Variants in CDH20 observed in about 807,000 individuals in gnomAD.
CDH20 encodes the protein cadherin-20.
Under a neutral mutation model 74.2 loss-of-function variants are expected in CDH20, and 29 were observed. The ratio of observed to expected loss-of-function variants is 0.39; its 90% confidence interval spans 0.29 to 0.53. CDH20 has a LOEUF of 0.53. Among genes scored for constraint, CDH20 ranks in the 20% least tolerant of loss-of-function variants. The probability of loss-of-function intolerance (pLI) is 0.69; values close to 1 mark genes in which losing one functional copy is unlikely to be tolerated. For missense variants in CDH20, 988 were observed against 1,048.3 expected (o/e 0.94, Z 0.79); for synonymous variants, 469 against 405.4 (o/e 1.16, Z -1.88).
intron 6 of CDH20, among the ~76,000 whole-genome samples, chr18:61,521,477 C>T (rs942464518): frequency 2.6e-5 from 4 of 151,206 alleles, no homozygotes; most frequent in African/African-American, 9.8e-5. Flanking sequence ...GATTCACAGC[C>T]GAATTCTACC....
chr18:61,430,540 G>A (rs1913220316), intron 1 of CDH20, among the ~76,000 whole-genome samples: 1 of 152,064 alleles, frequency 6.6e-6, no homozygotes, highest in Non-Finnish European at 1.5e-5. Flanking sequence ...TTAAGGACTT[G>A]GAAGCTATGC....
intron 2 of CDH20, among the ~76,000 whole-genome samples, chr18:61,492,504 A>T (rs867590780): frequency 5.3e-5 from 8 of 152,018 alleles, no homozygotes; most frequent in Non-Finnish European, 1.0e-4. Flanking sequence ...TCCTCCAGAC[A>T]CCTCCCCACA....
intron 1 of CDH20, among the ~76,000 whole-genome samples, chr18:61,395,113 T>G (rs7242062): frequency 0.92 from 139,093 of 151,872 alleles, 63,773 homozygotes; most frequent in South Asian, 0.93. Context: ...CTTCTTTAAG[T>G]TTCACACTGT....
chr18:61,534,364 C>T (rs1055546159), intron 7 of CDH20, among the ~76,000 whole-genome samples: 4 of 152,226 alleles, frequency 2.6e-5, no homozygotes, highest in African/African-American at 7.2e-5. Context: ...TATGATCCAA[C>T]AATCCCATTT....
At chr18:61,447,664 G>A (rs571178236) in intron 1 of CDH20, among the ~76,000 whole-genome samples, 3 of 152,292 alleles carry the variant, frequency 2.0e-5, no homozygotes, top group South Asian at 2.1e-4. Context: ...TGATTTATGC[G>A]GTAAGCAGAC....
intron 1 of CDH20, among the ~76,000 whole-genome samples, chr18:61,342,560 T>C (rs1015965012): frequency 6.6e-6 from 1 of 152,200 alleles, no homozygotes; most frequent in Non-Finnish European, 1.5e-5. Context: ...AAGTCCCCTA[T>C]GCATTGTAGG....
chr18:61,528,999 G>A (rs963934265), intron 7 of CDH20, among the ~76,000 whole-genome samples: 27 of 152,216 alleles, frequency 1.8e-4, no homozygotes, highest in Non-Finnish European at 3.7e-4. Context: ...GCATGTTTTG[G>A]AATTAAAGAT....
chr18:61,347,696 T>C (rs774240405), intron 1 of CDH20, among the ~76,000 whole-genome samples: 13 of 152,184 alleles, frequency 8.5e-5, no homozygotes, highest in Non-Finnish European at 1.6e-4. Context: ...ATTAAGGATG[T>C]GTTGTCAATA....
At chr18:61,382,278 T>C (rs1299251052) in intron 1 of CDH20, among the ~76,000 whole-genome samples, 1 of 152,186 alleles carries the variant, frequency 6.6e-6, no homozygotes, top group African/African-American at 2.4e-5. Flanking sequence ...AAATGCATCA[T>C]AGTGATTAGG....
At position 61,502,781 on chromosome 18, in the gene CDH20, A is replaced by G. The variant is rs144555601; in HGVS notation, c.662-172A>G. On this transcript the variant is annotated intron_variant, in intron 4 of 11. Coordinates refer to ENST00000262717, the MANE Select transcript of CDH20 (RefSeq NM_031891.4). ...AAAGTTTTCATTCACCACTGGTTTC[A>G]GTACAGCCCATTTTTGAAGCTGAGA... Among the ~76,000 whole-genome samples, 1,299 of 152,348 alleles carry G rather than the reference A, an allele frequency of 8.5e-3. 20 individuals carry two copies. Among genetic ancestry groups the G allele is most frequent in the South Asian group, 0.055 (266 of 4,826 alleles).
intron 6 of CDH20, among the ~76,000 whole-genome samples, chr18:61,510,580 G>A (rs1200068166): frequency 6.6e-6 from 1 of 152,198 alleles, no homozygotes; most frequent in Non-Finnish European, 1.5e-5. Flanking sequence ...CAGTTCATAT[G>A]TTTGTTCTGT....
chr18:61,543,545 T>C (rs1913116391), intron 9 of CDH20, among the ~76,000 whole-genome samples: 1 of 152,130 alleles, frequency 6.6e-6, no homozygotes, highest in South Asian at 2.1e-4. Context: ...TCATGCAACT[T>C]ACTCCTTTGA....
intron 6 of CDH20, 140 bp downstream of exon 6, chr18:61,507,700 ACACAC>A: frequency 7.3e-6 from 4 of 546,112 alleles, no homozygotes; most frequent in Non-Finnish European, 1.2e-5. Context: ...AAAAAAAAAA[ACACAC>A]AGAAAACCTC....
intron 1 of CDH20, among the ~76,000 whole-genome samples, chr18:61,442,939 T>C (rs1909080138): frequency 6.6e-6 from 1 of 152,000 alleles, no homozygotes; most frequent in African/African-American, 2.4e-5. Flanking sequence ...GCTTCCCAGA[T>C]TGGAACTACT....
At chr18:61,363,432 A>T (rs900438267) in intron 1 of CDH20, among the ~76,000 whole-genome samples, 1 of 152,222 alleles carries the variant, frequency 6.6e-6, no homozygotes, top group African/African-American at 2.4e-5. Context: ...GCTAACTTAT[A>T]GTGGGGGAAA....
rs35516738 is a variant in CDH20 at position 61,469,364 on chromosome 18, TACACACACAC to T, written c.-152-21007_-152-20998del. Among the ~76,000 whole-genome samples, 895 of 142,452 alleles carry T rather than the reference TACACACACAC, an allele frequency of 6.3e-3. 7 individuals carry two copies. The highest frequency in any genetic ancestry group is 0.02 in the African/African-American group (755 of 38,326). 93.5% of individuals were successfully genotyped at this position (142,452 alleles called of 152,430 possible). ...TTAACCCCAGTTGGATGAGAATGAA[TACACACACAC>T]ACACACACACACACACACACACACA... On this transcript the variant is annotated intron_variant, in intron 1 of 11. Coordinates refer to ENST00000262717, the MANE Select transcript of CDH20 (RefSeq NM_031891.4).
intron 1 of CDH20, among the ~76,000 whole-genome samples, chr18:61,397,895 C>T (rs903948892): frequency 6.6e-6 from 1 of 152,154 alleles, no homozygotes; most frequent in Admixed American, 6.6e-5. Context: ...GTATTTAGCA[C>T]TTAGTATGAT....
rs147324812 is a variant in CDH20 at position 61,473,169 on chromosome 18, A to G, written c.-152-17233A>G. Among the ~76,000 whole-genome samples the G allele has an allele frequency of 9.7e-4, 148 of 152,366 alleles. 1 individual carries two copies. Among genetic ancestry groups the G allele is most frequent in the East Asian group, 1.7e-3 (9 of 5,196 alleles). On this transcript the variant is annotated intron_variant, in intron 1 of 11. Transcript: ENST00000262717. ...TCAGCCAGTGAATGTCTTGTTTTGA[A>G]ACAACTTGGGGAAATAGATTTTTAT...
At chr18:61,528,446 GACACACACACACAC>G (rs1555683467) in intron 7 of CDH20, among the ~76,000 whole-genome samples, 10 of 97,712 alleles carry the variant, frequency 1.0e-4, no homozygotes, top group African/African-American at 2.9e-4. Context: ...AATTGGTTGA[GACACACACACACAC>G]ACACACACAC....
Sources: allele counts gnomAD v4.1 joint callset (sites outside exome capture counted in the v4.1 genomes callset), GRCh38; gene constraint gnomAD v4.1.1; transcripts MANE v1.5; gene names NCBI Gene and HGNC (gene_info 2026-07-23, HGNC 2026-07-21).